MATR3: variants seen among roughly 807,000 people sequenced by gnomAD.
MATR3 encodes the protein matrin-3.
In MATR3, 4 loss-of-function variants were observed where a neutral mutation model predicts 85.5. The ratio of observed to expected loss-of-function variants is 0.05; its 90% confidence interval spans 0.02 to 0.11. MATR3 has a LOEUF of 0.11. MATR3 is among the 10% of genes least tolerant of loss of function. The pLI, the probability that MATR3 is intolerant of heterozygous loss-of-function variation, is 1.00. For missense variants in MATR3, 685 were observed against 1,016.1 expected (o/e 0.67, Z 4.43); for synonymous variants, 336 against 343.1 (o/e 0.98, Z 0.23).
Position 139,330,654 on chromosome 5 carries a change from G to C in MATR3, c.*1259G>C, listed in dbSNP as rs62381613. 0.035 allele frequency: 15,926 copies of C among 454,048 alleles called. 400 individuals are homozygous for C. The highest frequency in any genetic ancestry group is 0.084 in the African/African-American group (4,225 of 50,084). The allele number at this position is 454,048 out of a possible 1,614,324, so 28.1% of individuals were successfully genotyped here. ...ACCTTATGAATTAAAAATGCTACAG[G>C]TGAACAAACAGAAGCTTATGTTTAG... On this transcript the variant is annotated 3_prime_UTR_variant, in exon 15 of 15. Transcript: ENST00000394805.
chr5:139,287,425 C>G (rs1306569680), intron 3 of MATR3, among the ~76,000 whole-genome samples: 2 of 152,136 alleles, frequency 1.3e-5, no homozygotes, highest in Non-Finnish European at 2.9e-5. Flanking sequence ...TCGAGACCAG[C>G]CTGGCCAATG....
At chr5:139,316,447 C>T (rs1370189482) in intron 5 of MATR3, among the ~76,000 whole-genome samples, 4 of 151,948 alleles carry the variant, frequency 2.6e-5, no homozygotes, top group Admixed American at 6.6e-5. Flanking sequence ...GGTTTCACCG[C>T]GTTGGCCAGA....
At position 139,331,660 on chromosome 5, in the gene MATR3, C is replaced by T. The variant is rs1561950553; in HGVS notation, c.*2265C>T. 2.3e-6 allele frequency: 1 copy of T among 443,842 alleles called. No individual in the cohort carries two copies. Among genetic ancestry groups the T allele is most frequent in the South Asian group, 1.6e-5 (1 of 61,778 alleles). 27.5% of individuals were successfully genotyped at this position (443,842 alleles called of 1,614,324 possible). ...CATTATCCTACAAAAGTGAATGAAA[C>T]TTCTAGAAGTACCTTGAGTTTGTTT... On this transcript the variant is annotated 3_prime_UTR_variant, in exon 15 of 15. Transcript: ENST00000394805.
chr5:139,284,577 C>T (rs540443678), intron 3 of MATR3, among the ~76,000 whole-genome samples: 3 of 151,098 alleles, frequency 2.0e-5, no homozygotes, highest in Non-Finnish European at 4.4e-5. Flanking sequence ...CACTGCACTC[C>T]AGCCTGGGTG....
At position 139,325,546 on chromosome 5, in the gene MATR3, A is replaced by C; in HGVS notation, c.2255A>C (p.Asp752Ala). 2 of 1,614,178 alleles carry C rather than the reference A, an allele frequency of 1.2e-6. No homozygotes were observed. The highest frequency in any genetic ancestry group is 1.7e-6 in the Non-Finnish European group (2 of 1,179,986). Residue 752 changes from aspartate to alanine, a missense_variant, in exon 13 of 15, where the codon GAT (aspartate) becomes GCT (alanine). Physicochemically the swap from Asp to Ala is moderately radical, Grantham distance 126 (BLOSUM62 -2). Coordinates refer to ENST00000394805, the MANE Select transcript of MATR3 (RefSeq NM_018834.6). ...GGTGCTGAATCTTCTGAGAACGCTG[A>C]TGATCCCAACAAAGATACAAGTGAA... ...EPGAESSENA[D>A]DPNKDTSENA...
chr5:139,330,920 A>C lies in MATR3; in HGVS notation c.*1525A>C. 2.2e-6 allele frequency: 1 copy of C among 454,010 alleles called. No individual in the cohort carries two copies. Among genetic ancestry groups the C allele is most frequent in the Non-Finnish European group, 4.4e-6 (1 of 226,800 alleles). 28.1% of individuals were successfully genotyped at this position (454,010 alleles called of 1,614,324 possible). On this transcript the variant is annotated 3_prime_UTR_variant, in exon 15 of 15. Coordinates refer to ENST00000394805, the MANE Select transcript of MATR3 (RefSeq NM_018834.6). Reference sequence around the variant, plus strand: ...ACCCTCCTACCTCAGTCTCCTGAGTAGCTGGGACTACAGGCTCATGCCACT... The same window carrying C: ...ACCCTCCTACCTCAGTCTCCTGAGTCGCTGGGACTACAGGCTCATGCCACT...
At chr5:139,306,208 C>T (rs1199543255) in intron 1 of MATR3, among the ~76,000 whole-genome samples, 1 of 152,094 alleles carries the variant, frequency 6.6e-6, no homozygotes, top group Non-Finnish European at 1.5e-5. Flanking sequence ...TCTTATGTGA[C>T]AGTTTCTGAG....
intron 2 of MATR3, among the ~76,000 whole-genome samples, chr5:139,277,965 C>T (rs1031165532): frequency 5.9e-5 from 9 of 151,782 alleles, no homozygotes; most frequent in African/African-American, 2.2e-4. Context: ...CACGGTGGCT[C>T]GCACCTGTAT....
intron 7 of MATR3, among the ~76,000 whole-genome samples, chr5:139,318,649 G>A (rs762142370): frequency 3.3e-5 from 5 of 152,182 alleles, no homozygotes; most frequent in Non-Finnish European, 5.9e-5. Context: ...CACCATGTTG[G>A]TCGGCCAGGA....
At chr5:139,300,322 G>A (rs1034248032) in intron 1 of MATR3, among the ~76,000 whole-genome samples, 3 of 152,130 alleles carry the variant, frequency 2.0e-5, no homozygotes, top group African/African-American at 7.2e-5. Context: ...CCAAGATCAC[G>A]CCATTGCACT....
At chr5:139,287,380 A>G (rs983154866) in intron 3 of MATR3, among the ~76,000 whole-genome samples, 1 of 152,202 alleles carries the variant, frequency 6.6e-6, no homozygotes, top group African/African-American at 2.4e-5. Flanking sequence ...CCACTTTGGG[A>G]GGCCAAGGCG....
intron 4 of MATR3, 66 bp downstream of exon 4, chr5:139,315,804 T>C: frequency 7.9e-7 from 1 of 1,260,766 alleles, no homozygotes; most frequent in Non-Finnish European, 1.2e-6. Flanking sequence ...GGTTTCACTT[T>C]CAACATTTCA....
chr5:139,318,599 C>T (rs539966573), intron 7 of MATR3, among the ~76,000 whole-genome samples: 2 of 151,704 alleles, frequency 1.3e-5, no homozygotes, highest in Non-Finnish European at 2.9e-5. Context: ...TCCACCATTA[C>T]GCCCAGCTAA....
chr5:139,306,375 GT>G (rs1487014543), intron 1 of MATR3, among the ~76,000 whole-genome samples: 2 of 152,142 alleles, frequency 1.3e-5, no homozygotes, highest in African/African-American at 4.8e-5. Flanking sequence ...ATTTTTACCT[GT>G]TTTGTGCTCT....
At chr5:139,323,574 A>G (rs1755688773) in intron 12 of MATR3, among the ~76,000 whole-genome samples, 1 of 152,234 alleles carries the variant, frequency 6.6e-6, no homozygotes, top group Admixed American at 6.5e-5. Flanking sequence ...GGGCATTAAA[A>G]TGCCTTTGAG....
At chr5:139,315,826 T>G in intron 4 of MATR3, 88 bp downstream of exon 4, 1 of 1,137,828 alleles carries the variant, frequency 8.8e-7, no homozygotes, top group South Asian at 1.3e-5. Flanking sequence ...AAACAAAGTA[T>G]TTTCAGAATT....
chr5:139,311,618 C>A (rs912178769), intron 2 of MATR3: 2 of 151,994 alleles, frequency 1.3e-5, no homozygotes, highest in Admixed American at 1.3e-4. Context: ...TTTCTAGCTC[C>A]TATGAAATAG....
intron 3 of MATR3, chr5:139,315,380 T>G: frequency 3.2e-6 from 1 of 310,054 alleles, no homozygotes; most frequent in Non-Finnish European, 6.1e-6. Context: ...TGCTCTGTTC[T>G]TGTTTCTATG....
intron 9 of MATR3, 177 bp from the exon 10 acceptor site, chr5:139,321,720 CT>C: frequency 3.1e-6 from 2 of 646,204 alleles, no homozygotes; most frequent in Non-Finnish European, 5.3e-6. Context: ...TACATCAACG[CT>C]TCAGCAAGCC....
Sources: gnomAD v4.1 joint callset for allele counts (sites outside exome capture counted in the v4.1 genomes callset) on GRCh38, gnomAD v4.1.1 for gene constraint, MANE v1.5 for transcripts, NCBI Gene and HGNC (gene_info 2026-07-23, HGNC 2026-07-21) for gene names.